KCNK2: variants seen among roughly 807,000 people sequenced by gnomAD.
KCNK2 encodes potassium channel subfamily K member 2.
KCNK2 carries 21 observed loss-of-function variants against 40.5 expected under a neutral mutation model. The observed-to-expected ratio is 0.52, with a 90% CI of 0.37 to 0.75. The LOEUF is 0.75. Among genes scored for constraint, KCNK2 ranks in the 30% least tolerant of loss-of-function variants. KCNK2 has a pLI of 0.00. For missense variants in KCNK2, 399 were observed against 531.6 expected, an observed-to-expected ratio of 0.75 and a Z score of 2.45; for synonymous variants, 191 against 202.2, an observed-to-expected ratio of 0.94 and a Z score of 0.47.
chr1:215,211,403 G>A (rs1665740585), intron 6 of KCNK2, among the ~76,000 whole-genome samples: 1 of 151,820 alleles, frequency 6.6e-6, no homozygotes, highest in Non-Finnish European at 1.5e-5. Flanking sequence ...TTGTCAATGG[G>A]GCCCACCTTG....
chr1:215,028,887 T>TAATTTA (rs1261348947), intron 1 of KCNK2, among the ~76,000 whole-genome samples: 1 of 152,152 alleles, frequency 6.6e-6, no homozygotes, highest in Non-Finnish European at 1.5e-5. Context: ...ATAAATTGAA[T>TAATTTA]AATTTAATAA....
intron 2 of KCNK2, among the ~76,000 whole-genome samples, chr1:215,123,900 G>C (rs1451571663): frequency 6.6e-6 from 1 of 152,140 alleles, no homozygotes; most frequent in Non-Finnish European, 1.5e-5. Flanking sequence ...GATTGAAGAA[G>C]GGATTATAAT....
In KCNK2 at chr1:215,234,951, C is replaced by T. The variant is rs1666817729; in HGVS notation, c.1087C>T (p.Arg363Trp). 2 of 1,614,024 alleles carry T rather than the reference C, an allele frequency of 1.2e-6. No homozygotes were observed. Among genetic ancestry groups the T allele is most frequent in the South Asian group, 1.1e-5 (1 of 91,068 alleles). The change falls in exon 7 of 7, where the codon CGG (arginine) becomes TGG (tryptophan). Residue 363 changes from arginine to tryptophan, a missense_variant. Arg to Trp is a moderately radical substitution (Grantham distance 101). This residue lies in a region of KCNK2 where 103 missense variants were observed against 124.3 expected (regional missense o/e 0.83). Transcript: ENST00000444842. ...GTTCCAGCGGGCCACCTCCATCAAG[C>T]GGAAGCTCTCGGCAGAACTGGCTGG... ...DKFQRATSIK[R>W]KLSAELAGNH... is the part of the protein sequence containing the mutation.
intron 5 of KCNK2, among the ~76,000 whole-genome samples, chr1:215,194,173 G>T (rs2102663907): frequency 6.6e-6 from 1 of 152,160 alleles, no homozygotes; most frequent in Non-Finnish European, 1.5e-5. Flanking sequence ...CATATTAATG[G>T]GGTACTAAAC....
chr1:215,132,967 G>C (rs1041418915), intron 3 of KCNK2, among the ~76,000 whole-genome samples: 1 of 152,222 alleles, frequency 6.6e-6, no homozygotes, highest in African/African-American at 2.4e-5. Context: ...TCCTGTGCTA[G>C]CTGTAAAGGG....
At chr1:215,048,749 A>G (rs900661146) in intron 1 of KCNK2, among the ~76,000 whole-genome samples, 33 of 152,194 alleles carry the variant, frequency 2.2e-4, no homozygotes, top group African/African-American at 7.2e-4. Flanking sequence ...CTACTAATGC[A>G]TAAAGCTCTG....
intron 3 of KCNK2, among the ~76,000 whole-genome samples, chr1:215,158,885 C>A (rs1452280945): frequency 2.0e-5 from 3 of 152,050 alleles, no homozygotes; most frequent in Non-Finnish European, 4.4e-5. Context: ...GTGCACCCTG[C>A]TGACTTGGCA....
In KCNK2 at chr1:215,236,104, C is replaced by T. The variant is rs1242488039; in HGVS notation, c.*959C>T. The T allele has an allele frequency of 6.6e-6, 1 of 151,276 alleles. No individual in the cohort carries two copies. Among genetic ancestry groups the T allele is most frequent in the Non-Finnish European group, 1.5e-5 (1 of 67,792 alleles). 9.4% of individuals were successfully genotyped at this position (151,276 alleles called of 1,614,324 possible). ...TCTATCTATCTATCTATCTAAATGA[C>T]CTGACAGAAGAAAACTGTTAAAAAT... On this transcript the variant is annotated 3_prime_UTR_variant, in exon 7 of 7. Coordinates refer to ENST00000444842, the MANE Select transcript of KCNK2 (RefSeq NM_001017425.3).
chr1:215,077,992 TTAAA>T (rs368962744), upstream of KCNK2, among the ~76,000 whole-genome samples: 702 of 152,320 alleles, frequency 4.6e-3, 6 homozygotes, highest in Admixed American at 7.3e-3. Context: ...GCTCAGAAGA[TTAAA>T]TAAGTGGCAA....
At chr1:215,059,140 C>T (rs199878505) in intron 1 of KCNK2, among the ~76,000 whole-genome samples, 2 of 107,248 alleles carry the variant, frequency 1.9e-5, no homozygotes, top group South Asian at 6.8e-4. Flanking sequence ...TATATATATA[C>T]ACACACATAT....
At chr1:215,015,337 G>A (rs1367850536) in intron 1 of KCNK2, among the ~76,000 whole-genome samples, 2 of 151,942 alleles carry the variant, frequency 1.3e-5, no homozygotes, top group Non-Finnish European at 2.9e-5. Flanking sequence ...ACTGGCTGTG[G>A]TTACCTCTCT....
intron 1 of KCNK2, among the ~76,000 whole-genome samples, chr1:215,044,703 C>G (rs188508308): frequency 1.3e-5 from 2 of 151,860 alleles, no homozygotes; most frequent in East Asian, 3.9e-4. Flanking sequence ...AAATTGATAC[C>G]ATTTTATGGG....
At chr1:215,188,817 T>A (rs1571710069) in intron 5 of KCNK2, among the ~76,000 whole-genome samples, 1 of 152,304 alleles carries the variant, frequency 6.6e-6, no homozygotes, top group East Asian at 1.9e-4. Flanking sequence ...TCACAATGGC[T>A]CAGAAAAATT....
chr1:215,086,443 C>G lies in KCNK2; in HGVS notation c.122C>G (p.Pro41Arg). 6.2e-7 allele frequency: 1 copy of G among 1,614,114 alleles called. No individual in the cohort carries two copies. Among genetic ancestry groups the G allele is most frequent in the Non-Finnish European group, 8.5e-7 (1 of 1,180,010 alleles). Residue 41 changes from proline (P) to arginine (R), a missense_variant, in exon 2 of 7, where the codon CCC (proline) becomes CGC (arginine). Transcript: ENST00000444842. ...CCGAGGCTCTCGTTTTCCACGAAAC[C>G]CACAGTGCTTGCTTCCCGGGTGGAG... ...SKPRLSFSTK[P>R]TVLASRVESD...
chr1:215,011,798 G>C (rs1558055883), intron 1 of KCNK2, among the ~76,000 whole-genome samples: 4 of 151,194 alleles, frequency 2.6e-5, no homozygotes, highest in African/African-American at 9.7e-5. Context: ...AGTAGAGACG[G>C]GGTTTCACCA....
Position 215,007,057 on chromosome 1 carries a change from ATATG to A in KCNK2, c.34+1104_34+1107del, listed in dbSNP as rs1229453880. ...TATATATGTGTGTGTGTGTATATAT[ATATG>A]TGTGTGTGTGTATATATATATGTGT... On this transcript the variant is annotated intron_variant, in intron 1 of 6. Transcript: ENST00000391895. Among the ~76,000 whole-genome samples, 280 of 114,648 alleles carry A rather than the reference ATATG, an allele frequency of 2.4e-3. 4 individuals carry two copies. The highest frequency in any genetic ancestry group is 0.01 in the African/African-American group (262 of 26,196). The allele number at this position is 114,648 out of a possible 152,430, so 75.2% of individuals were successfully genotyped here.
At chr1:215,205,018 G>A (rs1025103446) in intron 6 of KCNK2, among the ~76,000 whole-genome samples, 1 of 152,142 alleles carries the variant, frequency 6.6e-6, no homozygotes, top group Non-Finnish European at 1.5e-5. Context: ...GTGCCCATGT[G>A]TGCATGTGCA....
intron 1 of KCNK2, among the ~76,000 whole-genome samples, chr1:215,084,652 G>A (rs187404318): frequency 6.6e-6 from 1 of 152,116 alleles, no homozygotes; most frequent in South Asian, 2.1e-4. Context: ...TTGAGTGAAG[G>A]TGTCTTTATA....
intron 5 of KCNK2, among the ~76,000 whole-genome samples, chr1:215,177,829 T>A (rs1664052552): frequency 1.4e-5 from 2 of 145,892 alleles, no homozygotes; most frequent in African/African-American, 2.5e-5. Context: ...GTCTCCAGCT[T>A]TTTTTTTTTA....
Sources: gnomAD v4.1 joint callset for allele counts (sites outside exome capture counted in the v4.1 genomes callset) on GRCh38, gnomAD v4.1.1 for gene constraint, gnomAD v4.1.1 regional missense constraint, MANE v1.5 for transcripts, NCBI Gene and HGNC (gene_info 2026-07-23, HGNC 2026-07-21) for gene names.